The following MS4A4A variants were observed in gnomAD, a reference collection of about 807,000 sequenced individuals.
MS4A4A encodes the protein membrane spanning 4-domains A4A, also known as membrane-spanning 4-domains subfamily A member 4A.
A neutral mutation model predicts 28.0 loss-of-function variants in MS4A4A; 26 were observed. The ratio of observed to expected loss-of-function variants is 0.93; its 90% CI spans 0.68 to 1.29. The LOEUF is 1.29. MS4A4A is among the 50% of genes most tolerant of loss of function. The pLI, the probability that MS4A4A is intolerant of heterozygous loss-of-function variation, is 0.00. For missense variants in MS4A4A, 290 were observed against 293.1 expected, an observed-to-expected ratio of 0.99 and a Z score of 0.08; for synonymous variants, 86 against 100.8, an observed-to-expected ratio of 0.85 and a Z score of 0.88.
intron 2 of MS4A4A, among the ~76,000 whole-genome samples, chr11:60,293,149 C>A (rs1051854490): frequency 1.3e-5 from 2 of 152,158 alleles, no homozygotes; most frequent in African/African-American, 4.8e-5. Flanking sequence ...CCTCCGTCTT[C>A]CGGGTTCAAG....
At chr11:60,288,330 G>A (rs2084820843) in intron 1 of MS4A4A, among the ~76,000 whole-genome samples, 1 of 152,232 alleles carries the variant, frequency 6.6e-6, no homozygotes, top group Admixed American at 6.5e-5. Flanking sequence ...TATTATAGTG[G>A]CTGTGGAGCT....
intron 1 of MS4A4A, among the ~76,000 whole-genome samples, chr11:60,288,262 A>G (rs1029321203): frequency 6.6e-6 from 1 of 152,254 alleles, no homozygotes; most frequent in African/African-American, 2.4e-5. Flanking sequence ...GTGAGCCTAT[A>G]GAGTTAACAC....
intron 1 of MS4A4A, among the ~76,000 whole-genome samples, chr11:60,284,436 C>A (rs530393896): frequency 1.3e-5 from 2 of 152,176 alleles, no homozygotes; most frequent in Non-Finnish European, 2.9e-5. Flanking sequence ...TGACCCTGCT[C>A]CAACCTTCTC....
At chr11:60,288,839 A>G (rs1201142460) in intron 1 of MS4A4A, among the ~76,000 whole-genome samples, 1 of 152,144 alleles carries the variant, frequency 6.6e-6, no homozygotes, top group African/African-American at 2.4e-5. Flanking sequence ...CCAGGGAACT[A>G]GTCAGTTCTA....
At chr11:60,295,614 G>A (rs938519771) in intron 2 of MS4A4A, among the ~76,000 whole-genome samples, 1 of 152,058 alleles carries the variant, frequency 6.6e-6, no homozygotes, top group Admixed American at 6.6e-5. Context: ...TATGAAGTTA[G>A]CTGTAGGTTT....
At chr11:60,302,740 G>A (rs1364496648) in intron 5 of MS4A4A, 23 bp downstream of exon 5, 10 of 1,606,066 alleles carry the variant, frequency 6.2e-6, no homozygotes, top group Non-Finnish European at 8.5e-6. Context: ...TCTTTTCAGG[G>A]GATATTATTA....
At chr11:60,297,779 C>A (rs143761547) in intron 3 of MS4A4A, among the ~76,000 whole-genome samples, 2 of 152,124 alleles carry the variant, frequency 1.3e-5, no homozygotes, top group African/African-American at 4.8e-5. Context: ...GTAAGGATAA[C>A]GGACTTGCCA....
intron 1 of MS4A4A, chr11:60,282,688 A>T (rs1478815569): frequency 7.8e-7 from 1 of 1,285,834 alleles, no homozygotes. Flanking sequence ...GAACAACTTA[A>T]ATAAGTCAAA....
In MS4A4A at chr11:60,292,325, T is replaced by C. The variant is rs569859957; in HGVS notation, c.142T>C (p.Ser48Pro). Residue 48 changes from serine to proline, a missense_variant, in exon 2 of 7, where the codon TCA becomes CCA. Ser to Pro is a moderately conservative substitution (Grantham distance 74). Transcript: ENST00000337908. ...GCTGGGAAACATGGCTGTCATACAT[T>C]CACATCTGTGGAAAGGATTGCAAGA... ...PQLGNMAVIH[S>P]HLWKGLQEKF... 1.2e-6 allele frequency: 2 copies of C among 1,610,900 alleles called. No homozygotes were observed. The highest frequency in any genetic ancestry group is 1.7e-6 in the Non-Finnish European group (2 of 1,178,644).
intron 1 of MS4A4A, chr11:60,282,820 G>A (rs2084767196): frequency 4.7e-6 from 5 of 1,062,360 alleles, no homozygotes; most frequent in African/African-American, 1.7e-5. Context: ...GCTAAGGGTG[G>A]TGAAATATAA....
intron 2 of MS4A4A, among the ~76,000 whole-genome samples, chr11:60,295,698 CAGG>C (rs1441451976): frequency 6.6e-6 from 1 of 152,056 alleles, no homozygotes; most frequent in East Asian, 1.9e-4. Context: ...TTATAATAAA[CAGG>C]CATTGGATTT....
chr11:60,307,824 G>C (rs1366678169), intron 6 of MS4A4A, among the ~76,000 whole-genome samples: 1 of 152,092 alleles, frequency 6.6e-6, no homozygotes, highest in Non-Finnish European at 1.5e-5. Flanking sequence ...TAACACCTTG[G>C]TTTACCCAAC....
intron 2 of MS4A4A, among the ~76,000 whole-genome samples, chr11:60,294,829 G>T (rs1276219761): frequency 6.6e-6 from 1 of 151,628 alleles, no homozygotes; most frequent in Non-Finnish European, 1.5e-5. Flanking sequence ...ATACCACACA[G>T]TCCTGATTAC....
chr11:60,297,023 G>A, intron 2 of MS4A4A, 174 bp from the exon 3 acceptor site: 1 of 750,238 alleles, frequency 1.3e-6, no homozygotes, highest in Non-Finnish European at 2.1e-6. Context: ...GATAATATTG[G>A]TAAGATTACA....
At chr11:60,288,215 G>C (rs565655820) in intron 1 of MS4A4A, among the ~76,000 whole-genome samples, 1 of 152,324 alleles carries the variant, frequency 6.6e-6, no homozygotes, top group Non-Finnish European at 1.5e-5. Flanking sequence ...TTTGAAACTA[G>C]GTGGCGAAAG....
chr11:60,304,626 A>T (rs2084981871), intron 5 of MS4A4A, among the ~76,000 whole-genome samples: 1 of 152,188 alleles, frequency 6.6e-6, no homozygotes, highest in Admixed American at 6.5e-5. Context: ...CCAGCCCTGT[A>T]CCTGTTTTTG....
chr11:60,291,337 T>C (rs903353048), intron 1 of MS4A4A, among the ~76,000 whole-genome samples: 1 of 152,100 alleles, frequency 6.6e-6, no homozygotes, highest in Admixed American at 6.5e-5. Flanking sequence ...AGTTCAGAGT[T>C]TGTGGCACAA....
chr11:60,292,076 C>G lies in MS4A4A; in HGVS notation c.42-149C>G. The G allele has an allele frequency of 3.2e-6, 3 of 948,052 alleles. No homozygotes were observed. The South Asian group carries it at 7.8e-5, about 25-fold the overall frequency. The allele number at this position is 948,052 out of a possible 1,614,324, so 58.7% of individuals were successfully genotyped here. A position where few individuals can be genotyped will look rare whatever the true frequency, so the allele number is the denominator to read the frequency against. ...CCCACACACACACTTAATGTGTTGC[C>G]TATTCCACTTCCCCAGCTCTAACAG... On this transcript the variant is annotated intron_variant, in intron 1 of 6. Coordinates refer to ENST00000337908, the MANE Select transcript of MS4A4A (RefSeq NM_148975.3).
chr11:60,308,074 T>A, intron 6 of MS4A4A, 33 bp from the exon 7 acceptor site: 1 of 1,599,712 alleles, frequency 6.3e-7, no homozygotes, highest in Non-Finnish European at 8.6e-7. Context: ...GTGATTTGGG[T>A]GACTCACCTT....
Sources: gnomAD v4.1 joint callset for allele counts (sites outside exome capture counted in the v4.1 genomes callset) on GRCh38, gnomAD v4.1.1 for gene constraint, MANE v1.5 for transcripts, NCBI Gene and HGNC (gene_info 2026-07-23, HGNC 2026-07-21) for gene names.